Variants in GNG2 observed in about 807,000 individuals in gnomAD.
The protein encoded by GNG2 is guanine nucleotide-binding protein G(I)/G(S)/G(O) subunit gamma-2.
A neutral mutation model predicts 5.5 loss-of-function variants in GNG2; 5 were observed. That is an observed-to-expected ratio of 0.91 (90% CI 0.48 to 1.92). The LOEUF (loss-of-function observed/expected upper bound fraction) is 1.92. Among genes scored for constraint, GNG2 ranks in the 30% most tolerant of loss-of-function variants. GNG2 has a pLI of 0.01. For missense variants in GNG2, 55 were observed against 88.4 expected, an observed-to-expected ratio of 0.62 and a Z score of 1.52; for synonymous variants, 28 against 32.0, an observed-to-expected ratio of 0.88 and a Z score of 0.42.
intron 2 of GNG2, among the ~76,000 whole-genome samples, chr14:51,942,606 TA>T (rs1283866410): frequency 8.9e-5 from 13 of 145,936 alleles, no homozygotes; most frequent in Admixed American, 2.1e-4. Flanking sequence ...TTTTTTTTTT[TA>T]GAGACAGGGA....
intron 2 of GNG2, among the ~76,000 whole-genome samples, chr14:51,919,683 AGACTT>A (rs1886892254): frequency 1.3e-5 from 2 of 152,332 alleles, no homozygotes; most frequent in East Asian, 3.9e-4. Flanking sequence ...TGGCTGATTG[AGACTT>A]GTTTGTTTGA....
intron 2 of GNG2, chr14:51,916,308 C>T (rs1354012068): frequency 1.2e-5 from 4 of 331,738 alleles, no homozygotes; most frequent in African/African-American, 4.4e-5. Context: ...TGAGTGGGTG[C>T]TGGAACACAT....
At chr14:51,888,378 A>G (rs8009835) in intron 2 of GNG2, among the ~76,000 whole-genome samples, 45,396 of 151,986 alleles carry the variant, frequency 0.3, 7,633 homozygotes, top group South Asian at 0.39. Flanking sequence ...GAGTACAGTG[A>G]CATGATCATA....
Position 51,837,646 on chromosome 14 carries a change from C to CAA in GNG2, c.64+9854_64+9855dup, listed in dbSNP as rs35065027. ...TGGGTGACAGGGTGAGACTCCGTTT[C>CAA]AAAAAAAAAAAAAAAAGTATGACTC... On this transcript the variant is annotated intron_variant, in intron 2 of 3. Transcript: ENST00000553432. Among the ~76,000 whole-genome samples, 456 of 123,104 alleles carry CAA rather than the reference C, an allele frequency of 3.7e-3. 2 individuals carry two copies. The highest frequency in any genetic ancestry group is 0.012 in the African/African-American group (392 of 31,950). 80.8% of individuals were successfully genotyped at this position (123,104 alleles called of 152,430 possible).
intron 1 of GNG2, among the ~76,000 whole-genome samples, chr14:51,862,257 C>T (rs559630493): frequency 1.3e-5 from 2 of 152,252 alleles, no homozygotes; most frequent in South Asian, 4.1e-4. Context: ...TGCACCATGC[C>T]TAAGAGACAA....
chr14:51,834,705 G>A (rs572079482), intron 2 of GNG2, among the ~76,000 whole-genome samples: 1 of 152,318 alleles, frequency 6.6e-6, no homozygotes, highest in South Asian at 2.1e-4. Flanking sequence ...AAGCACTGGA[G>A]ATGTCACCTA....
chr14:51,854,636 C>G (rs1256379820), intron 2 of GNG2, among the ~76,000 whole-genome samples: 2 of 152,076 alleles, frequency 1.3e-5, no homozygotes, highest in African/African-American at 4.8e-5. Context: ...TCAGCTCCCC[C>G]CGAGTAGCTG....
intron 1 of GNG2, among the ~76,000 whole-genome samples, chr14:51,863,678 C>T (rs770531314): frequency 1.7e-4 from 26 of 151,906 alleles, no homozygotes; most frequent in Non-Finnish European, 3.4e-4. Flanking sequence ...TTAATCAATA[C>T]CTCCTCTTTC....
chr14:51,928,673 G>A (rs544791007), intron 2 of GNG2, among the ~76,000 whole-genome samples: 90 of 152,278 alleles, frequency 5.9e-4, no homozygotes, highest in African/African-American at 1.9e-3. Context: ...AGAGAGAGAC[G>A]TGACTTTTAG....
chr14:51,891,164 G>T (rs951671788), intron 2 of GNG2, among the ~76,000 whole-genome samples: 9 of 152,170 alleles, frequency 5.9e-5, no homozygotes, highest in Non-Finnish European at 1.3e-4. Flanking sequence ...CGTTCTCCCC[G>T]GTAGAGAAGG....
intron 2 of GNG2, among the ~76,000 whole-genome samples, chr14:51,944,935 CAAT>C (rs1287487815): frequency 6.6e-6 from 1 of 152,010 alleles, no homozygotes. Flanking sequence ...AACTCAACAA[CAAT>C]AACAACAAAA....
chr14:51,921,273 A>G (rs1463729256), intron 2 of GNG2, among the ~76,000 whole-genome samples: 4 of 152,212 alleles, frequency 2.6e-5, no homozygotes, highest in Admixed American at 1.3e-4. Context: ...TAGTGTTGTG[A>G]GAATTCAGTG....
At position 51,911,716 on chromosome 14, in the gene GNG2, T is replaced by A. The variant is rs941575994; in HGVS notation, c.-30+34059T>A. 2.3e-5 allele frequency among the ~76,000 whole-genome samples: 3 copies of A among 128,902 alleles called. 1 individual carries two copies. The highest frequency in any genetic ancestry group is 6.3e-5 in the African/African-American group (2 of 31,688). The allele number at this position is 128,902 out of a possible 152,430, so 84.6% of individuals were successfully genotyped here. A position where few individuals can be genotyped will look rare whatever the true frequency, so the allele number is the denominator to read the frequency against. ...ATGCCACCAAGCCTGGCTAATTTTT[T>A]AAAAAAACATTTATAGAGACAGGGT... On this transcript the variant is annotated intron_variant, in intron 2 of 3. Transcript: ENST00000556766.
At chr14:51,844,451 T>C (rs1881568389) in intron 2 of GNG2, among the ~76,000 whole-genome samples, 1 of 152,152 alleles carries the variant, frequency 6.6e-6, no homozygotes, top group Admixed American at 6.5e-5. Context: ...TCTAAGTCAT[T>C]GTTTTCTTCA....
At chr14:51,965,924 G>A (rs116626273) in intron 3 of GNG2, among the ~76,000 whole-genome samples, 1 of 152,084 alleles carries the variant, frequency 6.6e-6, no homozygotes, top group African/African-American at 2.4e-5. Context: ...AAAAGTGAAG[G>A]AGGGCCGGGC....
chr14:51,899,781 C>G (rs1885434162), intron 2 of GNG2, among the ~76,000 whole-genome samples: 1 of 152,194 alleles, frequency 6.6e-6, no homozygotes. Flanking sequence ...TTATGACTGG[C>G]TTATTTCACT....
At chr14:51,846,786 C>A (rs1169880955) in intron 2 of GNG2, among the ~76,000 whole-genome samples, 1 of 152,210 alleles carries the variant, frequency 6.6e-6, no homozygotes, top group Non-Finnish European at 1.5e-5. Flanking sequence ...GGTGCATGCA[C>A]CCCTACTCCA....
At chr14:51,937,184 A>T (rs1012053789) in intron 2 of GNG2, among the ~76,000 whole-genome samples, 2 of 152,250 alleles carry the variant, frequency 1.3e-5, no homozygotes, top group African/African-American at 4.8e-5. Context: ...AAGTCATTTT[A>T]AAAACAGTAT....
chr14:51,873,277 G>A (rs1883427548), intron 1 of GNG2, among the ~76,000 whole-genome samples: 1 of 152,142 alleles, frequency 6.6e-6, no homozygotes, highest in African/African-American at 2.4e-5. Flanking sequence ...TGGGGCTTCT[G>A]GGGGAACAAT....
Sources: allele counts gnomAD v4.1 joint callset (sites outside exome capture counted in the v4.1 genomes callset), GRCh38; gene constraint gnomAD v4.1.1; transcripts MANE v1.5; gene names NCBI Gene and HGNC (gene_info 2026-07-23, HGNC 2026-07-21).